BRINP2: variants seen among roughly 807,000 people sequenced by gnomAD.
BRINP2 encodes the protein BMP/retinoic acid-inducible neural-specific protein 2.
In BRINP2, 21 loss-of-function variants were observed where a neutral mutation model predicts 69.2. The ratio of observed to expected loss-of-function variants is 0.30; its 90% CI spans 0.22 to 0.44. The LOEUF is 0.44. Ranked by LOEUF, BRINP2 falls within the 20% of genes least tolerant of loss-of-function variation. The pLI, the probability that BRINP2 is intolerant of heterozygous loss-of-function variation, is 1.00. For missense variants in BRINP2, 877 were observed against 986.0 expected (o/e 0.89, Z 1.48); for synonymous variants, 380 against 394.1 (o/e 0.96, Z 0.42).
In BRINP2 at chr1:177,190,940, T is replaced by C. The variant is rs115419452; in HGVS notation, c.-77+19208T>C. Among the ~76,000 whole-genome samples, 774 of 152,318 alleles carry C rather than the reference T, an allele frequency of 5.1e-3. 9 individuals are homozygous for C. The highest frequency in any genetic ancestry group is 0.018 in the African/African-American group (742 of 41,572). ...TTATCACAGTTGCCTGGTCTATAAA[T>C]GTGAGTCCTTATTATTACATCATCC... On this transcript the variant is annotated intron_variant, in intron 1 of 7. Coordinates refer to ENST00000361539, the MANE Select transcript of BRINP2 (RefSeq NM_021165.4).
chr1:177,247,531 T>A (rs1650423276), intron 2 of BRINP2, among the ~76,000 whole-genome samples: 1 of 152,272 alleles, frequency 6.6e-6, no homozygotes, highest in Admixed American at 6.5e-5. Context: ...GTCCTCTGTT[T>A]ATCTTCATTT....
intron 2 of BRINP2, among the ~76,000 whole-genome samples, chr1:177,236,918 T>TAAA (rs59673685): frequency 2.6e-5 from 3 of 116,094 alleles, no homozygotes; most frequent in Non-Finnish European, 1.9e-5. Flanking sequence ...AGGGTGCAAC[T>TAAA]AAAAAAAAAA....
At chr1:177,254,620 C>T (rs1650695104) in intron 2 of BRINP2, among the ~76,000 whole-genome samples, 1 of 151,754 alleles carries the variant, frequency 6.6e-6, no homozygotes, top group African/African-American at 2.4e-5. Flanking sequence ...TTTCATGGAA[C>T]TCCATTTTTT....
At chr1:177,245,577 G>A (rs1447096392) in intron 2 of BRINP2, among the ~76,000 whole-genome samples, 1 of 152,154 alleles carries the variant, frequency 6.6e-6, no homozygotes, top group Admixed American at 6.5e-5. Context: ...ACAATGGGAG[G>A]CAGATAGTGG....
At chr1:177,211,848 C>T (rs1649229761) in intron 1 of BRINP2, among the ~76,000 whole-genome samples, 1 of 152,174 alleles carries the variant, frequency 6.6e-6, no homozygotes, top group Admixed American at 6.5e-5. Context: ...TCTACATCAA[C>T]TTTTATCCCA....
At chr1:177,249,147 C>G (rs1404272598) in intron 2 of BRINP2, among the ~76,000 whole-genome samples, 1 of 152,166 alleles carries the variant, frequency 6.6e-6, no homozygotes, top group Non-Finnish European at 1.5e-5. Flanking sequence ...TGTCGGTATG[C>G]TTGGCTGATT....
At chr1:177,273,441 G>C in intron 4 of BRINP2, 47 bp from the exon 5 acceptor site, 1 of 1,300,680 alleles carries the variant, frequency 7.7e-7, no homozygotes, top group Non-Finnish European at 1.1e-6. Flanking sequence ...TATAAAGGGA[G>C]TCTCCACTTG....
chr1:177,249,003 C>T (rs1397672307), intron 2 of BRINP2, among the ~76,000 whole-genome samples: 1 of 152,128 alleles, frequency 6.6e-6, no homozygotes, highest in Non-Finnish European at 1.5e-5. Context: ...AGGGAAATCC[C>T]TAAACTCATG....
At chr1:177,173,094 G>T (rs1647988184) in intron 1 of BRINP2, among the ~76,000 whole-genome samples, 2 of 152,148 alleles carry the variant, frequency 1.3e-5, no homozygotes, top group African/African-American at 4.8e-5. Flanking sequence ...GAGTTTGTGT[G>T]CTTTCCCTCC....
chr1:177,214,747 T>G (rs1649327282), intron 1 of BRINP2, among the ~76,000 whole-genome samples: 1 of 152,178 alleles, frequency 6.6e-6, no homozygotes, highest in South Asian at 2.1e-4. Context: ...AATACCAACT[T>G]TTCATTATTT....
chr1:177,230,128 C>T lies in BRINP2; in HGVS notation c.252C>T (p.Thr84=), dbSNP rs777310352. The change falls in exon 2 of 8, where the codon ACC becomes ACT. Residue 84 remains threonine (T), a synonymous_variant. Transcript: ENST00000361539. ...FMERYRQGFT[T]RYRIYREFAR... ...AGCGGTACCGCCAGGGTTTCACCAC[C>T]AGGTACAGGATTTATAGGTAAGTGG... 1.7e-5 allele frequency: 28 copies of T among 1,610,102 alleles called. No homozygotes were observed. The East Asian group carries it at 4.5e-4, about 26-fold the overall frequency.
intron 1 of BRINP2, among the ~76,000 whole-genome samples, chr1:177,216,490 C>A (rs1448935969): frequency 2.0e-5 from 3 of 152,046 alleles, no homozygotes; most frequent in African/African-American, 7.2e-5. Context: ...ACAATTTCAT[C>A]CTTTAATGCT....
chr1:177,245,290 T>C (rs982184344), intron 2 of BRINP2, among the ~76,000 whole-genome samples: 2 of 151,936 alleles, frequency 1.3e-5, no homozygotes, highest in Admixed American at 1.3e-4. Flanking sequence ...ACAAGCTAGA[T>C]TGCAAGCAGA....
In BRINP2 at chr1:177,203,042, G is replaced by T. The variant is rs565181444; in HGVS notation, c.-76-26759G>T. Reference sequence around the variant, plus strand: ...CACATGCACACGTATGTTTATTGTGGCACTATTCACAATAGCAAAGACTTG... The same window carrying T: ...CACATGCACACGTATGTTTATTGTGTCACTATTCACAATAGCAAAGACTTG... On this transcript the variant is annotated intron_variant, in intron 1 of 7. Transcript: ENST00000361539. 7.9e-5 allele frequency among the ~76,000 whole-genome samples: 12 copies of T among 151,972 alleles called. No individual in the cohort carries two copies. The East Asian group carries it at 2.1e-3, about 27-fold the overall frequency.
intron 1 of BRINP2, among the ~76,000 whole-genome samples, chr1:177,187,767 G>A (rs970274030): frequency 6.6e-6 from 1 of 152,150 alleles, no homozygotes; most frequent in African/African-American, 2.4e-5. Flanking sequence ...CTCAAAACCA[G>A]GTAGGCCATG....
intron 7 of BRINP2, 103 bp from the exon 8 acceptor site, chr1:177,280,309 C>G (rs1651646936): frequency 8.4e-7 from 1 of 1,194,104 alleles, no homozygotes; most frequent in Non-Finnish European, 1.2e-6. Flanking sequence ...TTATTTTCCT[C>G]ATTGCCTTCC....
chr1:177,203,234 A>T (rs1648974563), intron 1 of BRINP2, among the ~76,000 whole-genome samples: 1 of 152,178 alleles, frequency 6.6e-6, no homozygotes, highest in South Asian at 2.1e-4. Context: ...AGGACAAAAA[A>T]ACCAAACACA....
chr1:177,204,488 A>C (rs1209907999), intron 1 of BRINP2, among the ~76,000 whole-genome samples: 5 of 151,922 alleles, frequency 3.3e-5, no homozygotes, highest in African/African-American at 1.2e-4. Context: ...AACAAGCAGA[A>C]AAAAAAAGAG....
chr1:177,183,137 CTTT>C (rs71129597), intron 1 of BRINP2, among the ~76,000 whole-genome samples: 1 of 54,302 alleles, frequency 1.8e-5, no homozygotes, highest in African/African-American at 7.4e-5. Flanking sequence ...AGTGTGTGAG[CTTT>C]TTTTTTTTTT....
Sources: allele counts gnomAD v4.1 joint callset (sites outside exome capture counted in the v4.1 genomes callset), GRCh38; gene constraint gnomAD v4.1.1; transcripts MANE v1.5; gene names NCBI Gene and HGNC (gene_info 2026-07-23, HGNC 2026-07-21).